PKHD1: variants seen among roughly 807,000 people sequenced by gnomAD.
The protein encoded by PKHD1 is fibrocystin.
Under a neutral mutation model 412.0 loss-of-function variants are expected in PKHD1, and 291 were observed. The ratio of observed to expected loss-of-function variants is 0.71; its 90% CI spans 0.64 to 0.78. The LOEUF is 0.78. Among genes scored for constraint, PKHD1 ranks in the 30% least tolerant of loss-of-function variants. The pLI, the probability that PKHD1 is intolerant of heterozygous loss-of-function variation, is 0.00. For synonymous variants in PKHD1, 1,777 were observed against 1,821.5 expected (o/e 0.98, Z 0.62); for missense variants, 4,825 against 4,950.7 (o/e 0.97, Z 0.76).
chr6:51,886,118 C>T, intron 44 of PKHD1, 146 bp from the exon 45 acceptor site: 1 of 691,764 alleles, frequency 1.4e-6, no homozygotes, highest in Non-Finnish European at 2.6e-6. Context: ...ACTGTTCTTG[C>T]CTACCCCTCA....
chr6:51,754,697 C>G, intron 56 of PKHD1, 87 bp downstream of exon 56: 1 of 1,113,030 alleles, frequency 9.0e-7, no homozygotes, highest in Non-Finnish European at 1.4e-6. Flanking sequence ...CTCTGAATGG[C>G]AATCAGATCC....
chr6:51,902,670 G>T (rs1315135889), intron 43 of PKHD1, among the ~76,000 whole-genome samples: 2 of 152,110 alleles, frequency 1.3e-5, no homozygotes, highest in Admixed American at 1.3e-4. Flanking sequence ...AAACAGTGAG[G>T]CCCTTAACTC....
At chr6:51,721,487 T>A in intron 60 of PKHD1, 1 of 889,358 alleles carries the variant, frequency 1.1e-6, no homozygotes, top group Non-Finnish European at 1.3e-6. Context: ...TTATTTCACC[T>A]ATCACTTTAT....
intron 2 of PKHD1, among the ~76,000 whole-genome samples, chr6:52,083,932 G>T (rs547260845): frequency 2.0e-5 from 3 of 152,018 alleles, no homozygotes; most frequent in Non-Finnish European, 4.4e-5. Flanking sequence ...CTTAGAGAGG[G>T]GGTGAAGCAT....
chr6:51,647,136 G>A (rs2150359932), intron 63 of PKHD1, among the ~76,000 whole-genome samples: 1 of 152,088 alleles, frequency 6.6e-6, no homozygotes, highest in Non-Finnish European at 1.5e-5. Flanking sequence ...TATTTTCTGT[G>A]GATAATATAT....
intron 36 of PKHD1, among the ~76,000 whole-genome samples, chr6:51,956,139 CAT>C (rs905889216): frequency 1.3e-5 from 2 of 151,972 alleles, no homozygotes; most frequent in Non-Finnish European, 2.9e-5. Flanking sequence ...AGACTTTGGT[CAT>C]ATGCCTTTTA....
chr6:51,881,233 T>C (rs1007469287), intron 46 of PKHD1, among the ~76,000 whole-genome samples: 5 of 152,156 alleles, frequency 3.3e-5, no homozygotes, highest in Non-Finnish European at 7.4e-5. Context: ...TAGTGTATTT[T>C]TTCAATGAAT....
At chr6:51,978,230 G>A (rs1296775241) in intron 35 of PKHD1, among the ~76,000 whole-genome samples, 1 of 152,196 alleles carries the variant, frequency 6.6e-6, no homozygotes, top group African/African-American at 2.4e-5. Flanking sequence ...AAGCCATCTA[G>A]GGGTGAAGGA....
At chr6:51,658,247 A>G (rs1772213604) in intron 61 of PKHD1, among the ~76,000 whole-genome samples, 1 of 152,136 alleles carries the variant, frequency 6.6e-6, no homozygotes, top group South Asian at 2.1e-4. Flanking sequence ...AACCAGATCC[A>G]GAAAAATTTG....
chr6:51,786,287 A>G (rs951970077), intron 53 of PKHD1, among the ~76,000 whole-genome samples: 3 of 151,834 alleles, frequency 2.0e-5, no homozygotes, highest in Admixed American at 1.3e-4. Flanking sequence ...TACCTCCTCA[A>G]TGCTTCTCTA....
chr6:51,832,226 A>G (rs1768377464), intron 51 of PKHD1, among the ~76,000 whole-genome samples: 1 of 152,112 alleles, frequency 6.6e-6, no homozygotes, highest in Admixed American at 6.6e-5. Context: ...CACGAAAGGA[A>G]GCAAGATTTT....
intron 37 of PKHD1, among the ~76,000 whole-genome samples, chr6:51,928,850 G>A (rs181036129): frequency 5.3e-5 from 8 of 152,274 alleles, no homozygotes; most frequent in Non-Finnish European, 7.4e-5. Flanking sequence ...AGACAGTCAC[G>A]TCTAAGGCCA....
chr6:51,625,162 A>C (rs1767078650), intron 66 of PKHD1, among the ~76,000 whole-genome samples: 1 of 152,200 alleles, frequency 6.6e-6, no homozygotes, highest in Non-Finnish European at 1.5e-5. Context: ...AGTCATGCTC[A>C]GTTCCAACAG....
At chr6:51,904,334 C>T (rs1014443597) in intron 41 of PKHD1, among the ~76,000 whole-genome samples, 3 of 152,124 alleles carry the variant, frequency 2.0e-5, no homozygotes, top group Non-Finnish European at 4.4e-5. Context: ...TCAACACCAA[C>T]CCCATTCCTA....
At chr6:51,889,771 G>A (rs1051885508) in intron 43 of PKHD1, among the ~76,000 whole-genome samples, 1 of 152,080 alleles carries the variant, frequency 6.6e-6, no homozygotes, top group South Asian at 2.1e-4. Flanking sequence ...TAACGCTAAG[G>A]GTTACTAACG....
At chr6:51,901,320 C>T (rs1454074511) in intron 43 of PKHD1, among the ~76,000 whole-genome samples, 1 of 152,148 alleles carries the variant, frequency 6.6e-6, no homozygotes, top group Non-Finnish European at 1.5e-5. Flanking sequence ...CACATATATA[C>T]CGTGGAATAC....
chr6:52,069,408 C>T (rs768901701), intron 11 of PKHD1, 49 bp downstream of exon 11: 1 of 1,344,072 alleles, frequency 7.4e-7, no homozygotes, highest in Admixed American at 1.7e-5. Context: ...GAGGGGCCAA[C>T]ATTGAGTGAG....
chr6:51,986,862 A>T (rs1345084830), intron 35 of PKHD1, among the ~76,000 whole-genome samples: 1 of 152,266 alleles, frequency 6.6e-6, no homozygotes, highest in Non-Finnish European at 1.5e-5. Flanking sequence ...AATGGCCTTT[A>T]TCCAACAAAT....
At chr6:51,892,316 C>A (rs145068756) in intron 43 of PKHD1, among the ~76,000 whole-genome samples, 107 of 152,320 alleles carry the variant, frequency 7.0e-4, no homozygotes, top group African/African-American at 2.4e-3. Flanking sequence ...AGGTCCATTT[C>A]TAAGACTTCA....
Sources: gnomAD v4.1 joint callset for allele counts (sites outside exome capture counted in the v4.1 genomes callset) on GRCh38, gnomAD v4.1.1 for gene constraint, MANE v1.5 for transcripts, NCBI Gene and HGNC (gene_info 2026-07-23, HGNC 2026-07-21) for gene names.